IRF5: variants seen among roughly 807,000 people sequenced by gnomAD.
The protein encoded by IRF5 is interferon regulatory factor 5.
A neutral mutation model predicts 55.1 loss-of-function variants in IRF5; 24 were observed. The observed-to-expected ratio is 0.44, with a 90% CI of 0.32 to 0.61. IRF5 has a LOEUF of 0.61. Ranked by LOEUF, IRF5 falls within the 20% of genes least tolerant of loss-of-function variation. The pLI is 0.07. For missense variants in IRF5, 499 were observed against 658.5 expected, an observed-to-expected ratio of 0.76 and a Z score of 2.65; for synonymous variants, 258 against 260.2, an observed-to-expected ratio of 0.99 and a Z score of 0.08.
At chr7:128,941,729 A>G (rs1186016679) in intron 1 of IRF5, among the ~76,000 whole-genome samples, 1 of 152,122 alleles carries the variant, frequency 6.6e-6, no homozygotes, top group African/African-American at 2.4e-5. Flanking sequence ...CCCCAAGAGC[A>G]AGGGGTGGGC....
rs113226072 is a variant in IRF5, at chr7:128,947,118, A to G, written c.481+62A>G. ...CAGAGAAGCTATAGGTACCATAGGT[A>G]CCTGGAAGGGGGCTGATGGGAGGCT... On this transcript the variant is annotated intron_variant, in intron 5 of 8. Transcript: ENST00000357234. This position sits in a 1 kb window ranked among gnomAD's most constrained non-coding sequence, Gnocchi z 6.5. 2.7e-5 allele frequency: 44 copies of G among 1,613,598 alleles called. 1 individual carries two copies. The African/African-American group carries it at 4.5e-4, about 17-fold the overall frequency.
rs181070120 is a variant in IRF5 at position 128,949,964 on chromosome 7, C to A, written c.*1146C>A. 4 of 152,166 alleles carry A rather than the reference C, an allele frequency of 2.6e-5. No homozygotes were observed. The highest frequency in any genetic ancestry group is 4.4e-5 in the Non-Finnish European group (3 of 68,036). 9.4% of individuals were successfully genotyped at this position (152,166 alleles called of 1,614,324 possible). On this transcript the variant is annotated 3_prime_UTR_variant, in exon 9 of 9. Coordinates refer to ENST00000357234, the MANE Select transcript of IRF5 (RefSeq NM_001098629.3). ...GAGTGGAAGCTGCCCCAGGCCCTTACCAGGTGCAGATGCCCAATCTTGATG... is the reference window on the plus strand; with the variant it reads ...GAGTGGAAGCTGCCCCAGGCCCTTAACAGGTGCAGATGCCCAATCTTGATG...
intron 2 of IRF5, 85 bp downstream of exon 2, chr7:128,942,361 C>G: frequency 7.6e-7 from 1 of 1,311,338 alleles, no homozygotes. Flanking sequence ...CAGGCAGCTC[C>G]TCGAGGCTGG....
At position 128,947,557 on chromosome 7, in the gene IRF5, C is replaced by T. The variant is rs1299252033; in HGVS notation, c.787+22C>T. The T allele has an allele frequency of 7.2e-6, 11 of 1,534,206 alleles. No individual in the cohort carries two copies. The highest frequency in any genetic ancestry group is 3.5e-4 in the Middle Eastern group (2 of 5,684). On this transcript the variant is annotated intron_variant, in intron 6 of 8. Transcript: ENST00000357234. This position sits in a 1 kb window ranked among gnomAD's most constrained non-coding sequence, Gnocchi z 6.5. ...CCTCGTAAGGACCCATGGCTGGGCA[C>T]GGGGAAGCAGTGCTGGGGGATTGGG...
intron 1 of IRF5, among the ~76,000 whole-genome samples, chr7:128,939,831 G>T (rs1240883478): frequency 6.6e-6 from 1 of 152,220 alleles, no homozygotes; most frequent in African/African-American, 2.4e-5. Context: ...CCGGGGCTCA[G>T]GTCCATTGAC....
upstream of IRF5, among the ~76,000 whole-genome samples, chr7:128,937,186 G>A (rs1563069146): frequency 1.3e-5 from 2 of 152,240 alleles, no homozygotes; most frequent in Admixed American, 6.5e-5. Flanking sequence ...CAGAGAAGGC[G>A]ATGCTGAAAA....
In IRF5 at chr7:128,946,921, TCA is replaced by T; in HGVS notation, c.448-101_448-100del. The T allele has an allele frequency of 6.9e-7, 1 of 1,440,602 alleles. No individual in the cohort carries two copies. The highest frequency in any genetic ancestry group is 2.3e-5 in the East Asian group (1 of 43,992). The allele number at this position is 1,440,602 out of a possible 1,614,324, so 89.2% of individuals were successfully genotyped here. ...CTAAACTGAGGCTAGGGGAGTTGCC[TCA>T]TAGTTCTCGCCTGTTATTTCCCCAG... On this transcript the variant is annotated intron_variant, in intron 4 of 8. Coordinates refer to ENST00000357234, the MANE Select transcript of IRF5 (RefSeq NM_001098629.3). This position sits in a 1 kb window ranked among gnomAD's most constrained non-coding sequence, Gnocchi z 4.2.
In IRF5 at chr7:128,948,873, G is replaced by T; in HGVS notation, c.*55G>T. On this transcript the variant is annotated 3_prime_UTR_variant, in exon 9 of 9. Transcript: ENST00000357234. The surrounding 1 kb of genome is among the most constrained non-coding windows in gnomAD (Gnocchi z 4.6). ...TTCCTGGGTGGCGGTGCGGACTGATGTGGAGATGTGACAGCCCCGATGAGC... is the reference window on the plus strand; with the variant it reads ...TTCCTGGGTGGCGGTGCGGACTGATTTGGAGATGTGACAGCCCCGATGAGC... 1 of 1,569,290 alleles carries T rather than the reference G, an allele frequency of 6.4e-7. No homozygotes were observed. Among genetic ancestry groups the T allele is most frequent in the Non-Finnish European group, 8.6e-7 (1 of 1,163,490 alleles).
intron 2 of IRF5, 57 bp downstream of exon 2, chr7:128,942,333 G>A: frequency 2.6e-6 from 4 of 1,510,116 alleles, no homozygotes; most frequent in African/African-American, 2.8e-5. Flanking sequence ...CCCAGAAGAG[G>A]AGCGCACATA....
chr7:128,938,959 G>A (rs905396367), intron 1 of IRF5, among the ~76,000 whole-genome samples: 1 of 151,024 alleles, frequency 6.6e-6, no homozygotes, highest in Non-Finnish European at 1.5e-5. Flanking sequence ...CAGGAGGAGA[G>A]GTCCAGAGGC....
chr7:128,938,406 C>A (rs985742692), intron 1 of IRF5, among the ~76,000 whole-genome samples: 4 of 152,232 alleles, frequency 2.6e-5, no homozygotes, highest in Non-Finnish European at 5.9e-5. Flanking sequence ...CTCCCTCCCC[C>A]TCGCCATCGC....
At position 128,946,553 on chromosome 7, in the gene IRF5, A is replaced by G; in HGVS notation, c.438A>G (p.Glu146=). 1.2e-6 allele frequency: 2 copies of G among 1,600,956 alleles called. No homozygotes were observed. Among genetic ancestry groups the G allele is most frequent in the South Asian group, 1.1e-5 (1 of 89,136 alleles). The change falls in exon 4 of 9, where the codon GAA becomes GAG. Residue 146 remains glutamate, a synonymous_variant. Coordinates refer to ENST00000357234, the MANE Select transcript of IRF5 (RefSeq NM_001098629.3). The surrounding 1 kb of genome is among the most constrained non-coding windows in gnomAD (Gnocchi z 4.2). ...TTGGTGCAGGAGAGGAGGAGGAAGA[A>G]GAGGAAGAGGTGAGTGTGGGTTGAG... ...YSFGAGEEEE[E]EEELQRMLPS...
intron 2 of IRF5, among the ~76,000 whole-genome samples, chr7:128,945,513 C>A (rs955266740): frequency 2.0e-5 from 3 of 152,222 alleles, no homozygotes; most frequent in African/African-American, 7.2e-5. Flanking sequence ...TGGCGGGGGG[C>A]ACTTCCAGAT....
Position 128,946,374 on chromosome 7 carries a change from C to T in IRF5, c.386-127C>T, listed in dbSNP as rs1796303213. 3.4e-6 allele frequency: 4 copies of T among 1,189,102 alleles called. No individual in the cohort carries two copies. Among genetic ancestry groups the T allele is most frequent in the Admixed American group, 2.2e-5 (1 of 45,372 alleles). 73.7% of individuals were successfully genotyped at this position (1,189,102 alleles called of 1,614,324 possible). ...TGGTGGCTGTGCCCTCCACCTCGCC[C>T]TGTGTTGGGGGCAGCTTTGGGGAAG... On this transcript the variant is annotated intron_variant, in intron 3 of 8. Coordinates refer to ENST00000357234, the MANE Select transcript of IRF5 (RefSeq NM_001098629.3). This position sits in a 1 kb window ranked among gnomAD's most constrained non-coding sequence, Gnocchi z 4.2.
chr7:128,942,318 C>A, intron 2 of IRF5, 42 bp downstream of exon 2: 1 of 1,566,378 alleles, frequency 6.4e-7, no homozygotes, highest in South Asian at 1.2e-5. Flanking sequence ...CCAGGGCACC[C>A]TGTCCCCAGA....
intron 2 of IRF5, among the ~76,000 whole-genome samples, chr7:128,942,638 C>T (rs577054441): frequency 7.9e-5 from 12 of 152,060 alleles, no homozygotes; most frequent in Admixed American, 1.3e-4. Flanking sequence ...CTTTTCTAAC[C>T]TGCACCCTAG....
At chr7:128,945,699 G>A (rs79582073) in intron 2 of IRF5, 146 bp from the exon 3 acceptor site, 14,448 of 728,506 alleles carry the variant, frequency 0.02, 191 homozygotes, top group Non-Finnish European at 0.024. Flanking sequence ...AGACTCCCAC[G>A]CTGCAAACCA....
chr7:128,946,370 C>A lies in IRF5; in HGVS notation c.386-131C>A. 4.5e-6 allele frequency: 5 copies of A among 1,118,302 alleles called. No individual in the cohort carries two copies. The highest frequency in any genetic ancestry group is 3.0e-5 in the South Asian group (2 of 65,874). The allele number at this position is 1,118,302 out of a possible 1,614,324, so 69.3% of individuals were successfully genotyped here. The stretch of plus-strand genomic sequence containing the variant: ...ATCCTGGTGGCTGTGCCCTCCACCT[C>A]GCCCTGTGTTGGGGGCAGCTTTGGG... On this transcript the variant is annotated intron_variant, in intron 3 of 8. Transcript: ENST00000357234. The surrounding 1 kb of genome is among the most constrained non-coding windows in gnomAD (Gnocchi z 4.2).
Position 128,945,953 on chromosome 7 carries a change from CTCATCTA to C in IRF5, c.305_311del (p.Leu102ProfsTer54). ...CCTTAACAAGAGCCGGGACTTCCGC[CTCATCTA>C]CGACGGGCCCCGGGACATGCCACCT... On this transcript the variant is annotated frameshift_variant, in exon 3 of 9. Transcript: ENST00000357234. LOFTEE classifies it high-confidence loss of function. 1 of 1,613,574 alleles carries C rather than the reference CTCATCTA, an allele frequency of 6.2e-7. No homozygotes were observed.
Sources: allele counts gnomAD v4.1 joint callset (sites outside exome capture counted in the v4.1 genomes callset), GRCh38; gene constraint gnomAD v4.1.1; non-coding constraint Gnocchi (gnomAD v3.1); transcripts MANE v1.5; gene names NCBI Gene and HGNC (gene_info 2026-07-23, HGNC 2026-07-21).